STK32B: variants seen among roughly 807,000 people sequenced by gnomAD.
STK32B encodes the protein serine/threonine-protein kinase 32B.
In STK32B, 43 loss-of-function variants were observed where a neutral mutation model predicts 52.6. The observed-to-expected ratio is 0.82, with a 90% CI of 0.64 to 1.05. The LOEUF is 1.05. Among genes scored for constraint, STK32B ranks in the 50% least tolerant of loss-of-function variants. The pLI, the probability that STK32B is intolerant of heterozygous loss-of-function variation, is 0.00. For missense variants in STK32B, 621 were observed against 534.6 expected (o/e 1.16, Z -1.59); for synonymous variants, 238 against 204.3 (o/e 1.17, Z -1.41).
At position 5,251,525 on chromosome 4, in the gene STK32B, T is replaced by G. The variant is rs909690284; in HGVS notation, c.261-79695T>G. 3.9e-5 allele frequency among the ~76,000 whole-genome samples: 6 copies of G among 152,090 alleles called. No homozygotes were observed. In the South Asian group the frequency reaches 8.3e-4, roughly 21 times the overall value. ...AGTCAGGTAAGCATGAAGCCTCCAG[T>G]TTTGTTCTTTTTGCTTAGTATTCCT... On this transcript the variant is annotated intron_variant, in intron 3 of 11. Coordinates refer to ENST00000282908, the MANE Select transcript of STK32B (RefSeq NM_018401.3).
intron 1 of STK32B, among the ~76,000 whole-genome samples, chr4:5,137,581 T>G (rs1052915624): frequency 2.0e-5 from 3 of 152,174 alleles, no homozygotes; most frequent in Non-Finnish European, 4.4e-5. Flanking sequence ...GAGCTCTTTA[T>G]GGAATGTAGG....
At chr4:5,320,317 G>T (rs1731404406) in intron 3 of STK32B, among the ~76,000 whole-genome samples, 1 of 152,128 alleles carries the variant, frequency 6.6e-6, no homozygotes, top group South Asian at 2.1e-4. Flanking sequence ...GAACGCCTCT[G>T]CACTTAACAT....
At chr4:5,387,460 C>T (rs1736332820) in intron 4 of STK32B, among the ~76,000 whole-genome samples, 1 of 152,206 alleles carries the variant, frequency 6.6e-6, no homozygotes, top group African/African-American at 2.4e-5. Flanking sequence ...AAAACTCAGA[C>T]TGCAACCTGG....
At chr4:5,320,677 G>C (rs916415810) in intron 3 of STK32B, among the ~76,000 whole-genome samples, 3 of 152,020 alleles carry the variant, frequency 2.0e-5, no homozygotes, top group African/African-American at 7.3e-5. Context: ...CACTGCTGAG[G>C]GTAAACAAGA....
At position 5,123,068 on chromosome 4, in the gene STK32B, A is replaced by G. The variant is rs138314778; in HGVS notation, c.53-16837A>G. Among the ~76,000 whole-genome samples, 385 of 151,534 alleles carry G rather than the reference A, an allele frequency of 2.5e-3. 2 individuals are homozygous for G. The highest frequency in any genetic ancestry group is 7.8e-3 in the African/African-American group (323 of 41,266). ...TTCTTTATCACCACAGCTGCCTCAA[A>G]CTCAACAGGACCCAAGCCAACTTCC... On this transcript the variant is annotated intron_variant, in intron 1 of 11. Transcript: ENST00000282908.
intron 1 of STK32B, among the ~76,000 whole-genome samples, chr4:5,116,674 C>T (rs1335394891): frequency 6.6e-6 from 1 of 152,172 alleles, no homozygotes; most frequent in Non-Finnish European, 1.5e-5. Context: ...ATTTCTATTT[C>T]TGTGAACATT....
chr4:5,259,801 T>G (rs1726578117), intron 3 of STK32B, among the ~76,000 whole-genome samples: 2 of 152,042 alleles, frequency 1.3e-5, no homozygotes, highest in Non-Finnish European at 2.9e-5. Context: ...CCAGACTATT[T>G]TAATGCAAAA....
intron 1 of STK32B, among the ~76,000 whole-genome samples, chr4:5,119,526 T>C (rs1170951387): frequency 6.6e-6 from 1 of 152,232 alleles, no homozygotes; most frequent in Non-Finnish European, 1.5e-5. Context: ...AGCTTTCATG[T>C]CATATTTTTT....
At chr4:5,313,391 C>A (rs1209474262) in intron 3 of STK32B, among the ~76,000 whole-genome samples, 3 of 151,916 alleles carry the variant, frequency 2.0e-5, no homozygotes, top group Non-Finnish European at 4.4e-5. Context: ...GTAACTTTTT[C>A]AATTTATAAG....
Position 5,279,397 on chromosome 4 carries a change from AC to A in STK32B, c.261-51822del, listed in dbSNP as rs150854970. 3.6e-3 allele frequency among the ~76,000 whole-genome samples: 552 copies of A among 152,294 alleles called. 2 individuals carry two copies. The highest frequency in any genetic ancestry group is 0.012 in the African/African-American group (496 of 41,550). The stretch of plus-strand genomic sequence containing the variant: ...ATAATCTTCCTCGACTCCATGATTC[AC>A]ATCCAGGCCACACTGATGCAAAGGA... On this transcript the variant is annotated intron_variant, in intron 3 of 11. Transcript: ENST00000282908.
intron 3 of STK32B, among the ~76,000 whole-genome samples, chr4:5,276,680 C>G (rs555623606): frequency 1.3e-5 from 2 of 152,040 alleles, no homozygotes; most frequent in African/African-American, 4.8e-5. Flanking sequence ...ACTGCTGCCA[C>G]GTGCATCTTT....
At chr4:5,228,406 A>G (rs1381427377) in intron 3 of STK32B, among the ~76,000 whole-genome samples, 1 of 152,244 alleles carries the variant, frequency 6.6e-6, no homozygotes, top group Non-Finnish European at 1.5e-5. Context: ...AGGGACACCC[A>G]CATAAGGCTT....
At chr4:5,411,183 C>G (rs868392443) in intron 5 of STK32B, among the ~76,000 whole-genome samples, 1 of 152,080 alleles carries the variant, frequency 6.6e-6, no homozygotes, top group South Asian at 2.1e-4. Context: ...CTACAGGTGC[C>G]CGCCACCATG....
intron 1 of STK32B, among the ~76,000 whole-genome samples, chr4:5,053,706 G>A (rs1741878221): frequency 6.6e-6 from 1 of 152,140 alleles, no homozygotes. Context: ...TATGAGGCCG[G>A]GCGCGGTGGC....
chr4:5,302,703 AC>A (rs1175469567), intron 3 of STK32B, among the ~76,000 whole-genome samples: 1 of 152,006 alleles, frequency 6.6e-6, no homozygotes, highest in Non-Finnish European at 1.5e-5. Context: ...TGCACCCATC[AC>A]CTGAGCAGTG....
chr4:5,478,002 G>A (rs1466802361), intron 11 of STK32B, among the ~76,000 whole-genome samples: 1 of 152,088 alleles, frequency 6.6e-6, no homozygotes, highest in Admixed American at 6.5e-5. Flanking sequence ...CCGAGTCTAG[G>A]GAGAAATCAA....
chr4:5,426,192 C>G (rs1030275620), intron 6 of STK32B, among the ~76,000 whole-genome samples: 2 of 152,126 alleles, frequency 1.3e-5, no homozygotes, highest in Non-Finnish European at 2.9e-5. Context: ...TCTTTCCATT[C>G]CCACAAGCAG....
chr4:5,436,280 CT>C (rs2109099555), intron 6 of STK32B, among the ~76,000 whole-genome samples: 1 of 152,332 alleles, frequency 6.6e-6, no homozygotes, highest in South Asian at 2.1e-4. Context: ...ACGAAAGGCT[CT>C]GAGGATGATG....
At chr4:5,108,252 C>T (rs545223949) in intron 1 of STK32B, among the ~76,000 whole-genome samples, 3 of 152,302 alleles carry the variant, frequency 2.0e-5, no homozygotes, top group African/African-American at 7.2e-5. Context: ...GAATATATTG[C>T]AGTCTATCCA....
Sources: allele counts gnomAD v4.1 joint callset (sites outside exome capture counted in the v4.1 genomes callset), GRCh38; gene constraint gnomAD v4.1.1; transcripts MANE v1.5; gene names NCBI Gene and HGNC (gene_info 2026-07-23, HGNC 2026-07-21).